The following CACNA1D variants were observed in gnomAD, a reference collection of about 807,000 sequenced individuals.
The protein encoded by CACNA1D is calcium voltage-gated channel subunit alpha1 D.
Under a neutral mutation model 257.1 loss-of-function variants are expected in CACNA1D, and 55 were observed. The observed-to-expected ratio is 0.21, with a 90% CI of 0.17 to 0.27. CACNA1D has a LOEUF of 0.27. Ranked by LOEUF, CACNA1D falls within the 10% of genes least tolerant of loss-of-function variation. CACNA1D has a pLI of 1.00. For missense variants in CACNA1D, 1,876 were observed against 2,784.0 expected (o/e 0.67, Z 7.34); for synonymous variants, 980 against 1,014.9 (o/e 0.97, Z 0.65).
intron 1 of CACNA1D, among the ~76,000 whole-genome samples, chr3:53,496,389 T>C (rs561646859): frequency 6.6e-6 from 1 of 152,334 alleles, no homozygotes; most frequent in Non-Finnish European, 1.5e-5. Context: ...AGTCAGTCTA[T>C]CCTAGGTGTA....
chr3:53,800,481 C>A lies in CACNA1D; in HGVS notation c.5040+116C>A. On this transcript the variant is annotated intron_variant, in intron 41 of 47. Transcript: ENST00000350061. This position sits in a 1 kb window ranked among gnomAD's most constrained non-coding sequence, Gnocchi z 4.3. ...TGGAGAATGCAGCCCATCCCCAGGG[C>A]CTAGAGGGGCTTTCAGACCACACCC... 1 of 803,142 alleles carries A rather than the reference C, an allele frequency of 1.2e-6. No homozygotes were observed. The allele number at this position is 803,142 out of a possible 1,614,324, so 49.8% of individuals were successfully genotyped here.
chr3:53,621,359 G>A (rs1026978263), intron 3 of CACNA1D, among the ~76,000 whole-genome samples: 3 of 152,150 alleles, frequency 2.0e-5, no homozygotes, highest in Non-Finnish European at 4.4e-5. Flanking sequence ...GAGCTAACCT[G>A]TGTGTCCAGA....
At chr3:53,747,870 G>A (rs145211697) in intron 26 of CACNA1D, among the ~76,000 whole-genome samples, 1 of 152,280 alleles carries the variant, frequency 6.6e-6, no homozygotes, top group Non-Finnish European at 1.5e-5. Context: ...CTTTTACTGA[G>A]CACCTGCTCG....
chr3:53,501,947 T>C (rs561329320), intron 3 of CACNA1D, among the ~76,000 whole-genome samples: 14 of 152,208 alleles, frequency 9.2e-5, no homozygotes, highest in Admixed American at 2.6e-4. Flanking sequence ...TAAATAGATA[T>C]GGAATTTTTA....
At chr3:53,773,350 C>T (rs2095377406) in intron 33 of CACNA1D, 1 of 241,480 alleles carries the variant, frequency 4.1e-6, no homozygotes, top group African/African-American at 2.3e-5. Flanking sequence ...TGAAACTGGG[C>T]TCTTCTGTGA....
At chr3:53,762,441 C>T (rs575209941) in intron 30 of CACNA1D, 10 of 422,508 alleles carry the variant, frequency 2.4e-5, no homozygotes, top group African/African-American at 1.2e-4. Context: ...TGTTTCAAGT[C>T]GCCGTGTGGC....
intron 40 of CACNA1D, among the ~76,000 whole-genome samples, chr3:53,794,060 A>G (rs1310660593): frequency 2.0e-5 from 3 of 152,178 alleles, no homozygotes; most frequent in African/African-American, 4.8e-5. Flanking sequence ...AAATTAATCC[A>G]CAGGACTATT....
Position 53,800,002 on chromosome 3 carries a change from G to T in CACNA1D, c.4924-247G>T, listed in dbSNP as rs1576708902. The T allele has an allele frequency of 1.8e-6, 1 of 562,644 alleles. No homozygotes were observed. The highest frequency in any genetic ancestry group is 1.9e-5 in the South Asian group (1 of 51,998). 34.9% of individuals were successfully genotyped at this position (562,644 alleles called of 1,614,324 possible). On this transcript the variant is annotated intron_variant, in intron 40 of 47. Coordinates refer to ENST00000350061, the MANE Select transcript of CACNA1D (RefSeq NM_001128840.3). The surrounding 1 kb of genome is among the most constrained non-coding windows in gnomAD (Gnocchi z 4.3). ...CAGGCAGTGTTCCTTGGAAGTGGGG[G>T]TTTTGCAAAGGAGGTTACGGGGTTG...
At chr3:53,583,666 A>G (rs571311189) in intron 3 of CACNA1D, among the ~76,000 whole-genome samples, 1 of 152,288 alleles carries the variant, frequency 6.6e-6, no homozygotes, top group Admixed American at 6.5e-5. Context: ...CACTCTATTT[A>G]TAATCAAAAG....
rs372313502 is a variant in CACNA1D, at chr3:53,598,557, C to T, written c.484-52222C>T. On this transcript the variant is annotated intron_variant, in intron 3 of 47. Coordinates refer to ENST00000350061, the MANE Select transcript of CACNA1D (RefSeq NM_001128840.3). ...CTGAGATTGCACCACTGCACTCCAA[C>T]CTGGGCAACAGAGTGAGAATCTCAT... Among the ~76,000 whole-genome samples, 117 of 151,434 alleles carry T rather than the reference C, an allele frequency of 7.7e-4. 1 individual carries two copies. In the South Asian group the frequency reaches 0.024, roughly 31 times the overall value.
At chr3:53,737,210 G>A (rs2095066610) in intron 20 of CACNA1D, among the ~76,000 whole-genome samples, 1 of 152,172 alleles carries the variant, frequency 6.6e-6, no homozygotes, top group African/African-American at 2.4e-5. Context: ...TGAGGTATGA[G>A]CAGTGAGCTG....
intron 3 of CACNA1D, among the ~76,000 whole-genome samples, chr3:53,576,224 A>G (rs1421243375): frequency 2.0e-5 from 3 of 152,206 alleles, no homozygotes. Context: ...CGAAGTTGAA[A>G]GATGCCTCTG....
chr3:53,591,706 AG>A, intron 3 of CACNA1D, among the ~76,000 whole-genome samples: 1 of 152,380 alleles, frequency 6.6e-6, no homozygotes, highest in South Asian at 2.1e-4. Context: ...ACAGTATCAA[AG>A]GTAAGAGCAA....
At chr3:53,591,636 A>G (rs1444316859) in intron 3 of CACNA1D, among the ~76,000 whole-genome samples, 1 of 152,144 alleles carries the variant, frequency 6.6e-6, no homozygotes, top group Non-Finnish European at 1.5e-5. Flanking sequence ...CTCTCTGTCC[A>G]CTCAATGCTG....
At chr3:53,739,431 G>T (rs2095092699) in intron 20 of CACNA1D, among the ~76,000 whole-genome samples, 1 of 152,212 alleles carries the variant, frequency 6.6e-6, no homozygotes, top group Non-Finnish European at 1.5e-5. Flanking sequence ...TTTCCTGGTG[G>T]TCAGACTTCT....
chr3:53,655,521 G>A (rs1016513400), intron 4 of CACNA1D, among the ~76,000 whole-genome samples: 1 of 152,192 alleles, frequency 6.6e-6, no homozygotes, highest in Non-Finnish European at 1.5e-5. Context: ...TAACTGGTGT[G>A]AAATGGTATC....
Position 53,774,790 on chromosome 3 carries a change from G to A in CACNA1D, c.4202+112G>A, listed in dbSNP as rs2095387753. 2 of 702,180 alleles carry A rather than the reference G, an allele frequency of 2.8e-6. No homozygotes were observed. The highest frequency in any genetic ancestry group is 4.6e-5 in the Admixed American group (2 of 43,588). 43.5% of individuals were successfully genotyped at this position (702,180 alleles called of 1,614,324 possible). A position where few individuals can be genotyped will look rare whatever the true frequency, so the allele number is the denominator to read the frequency against. ...AGCAGTGTGCCTTTCTCAGTTGATT[G>A]TGATGGCTTTTTGTTTTTGTTTGTT... On this transcript the variant is annotated intron_variant, in intron 34 of 47. Transcript: ENST00000350061. The surrounding 1 kb of genome is among the most constrained non-coding windows in gnomAD (Gnocchi z 4.3).
intron 2 of CACNA1D, among the ~76,000 whole-genome samples, chr3:53,499,946 A>G (rs541563390): frequency 1.3e-5 from 2 of 152,272 alleles, no homozygotes; most frequent in South Asian, 4.1e-4. Flanking sequence ...ATTTTATAAT[A>G]TTAGATGAGT....
chr3:53,688,679 G>A (rs1179775399), intron 8 of CACNA1D, among the ~76,000 whole-genome samples: 1 of 152,142 alleles, frequency 6.6e-6, no homozygotes, highest in African/African-American at 2.4e-5. Flanking sequence ...GACCTGGAGC[G>A]GCACTTGGCG....
Sources: gnomAD v4.1 joint callset for allele counts (sites outside exome capture counted in the v4.1 genomes callset) on GRCh38, gnomAD v4.1.1 for gene constraint, Gnocchi (gnomAD v3.1) non-coding constraint, MANE v1.5 for transcripts, NCBI Gene and HGNC (gene_info 2026-07-23, HGNC 2026-07-21) for gene names.